Variants in COL9A3 observed in about 807,000 individuals in gnomAD.
COL9A3 encodes collagen alpha-3(IX) chain.
In COL9A3, 82 loss-of-function variants were observed where a neutral mutation model predicts 110.2. The ratio of observed to expected loss-of-function variants is 0.74; its 90% CI spans 0.62 to 0.89. COL9A3 has a LOEUF of 0.89. COL9A3 is among the 40% of genes least tolerant of loss of function. COL9A3 has a pLI of 0.00. For synonymous variants in COL9A3, 494 were observed against 403.8 expected (o/e 1.22, Z -2.68); for missense variants, 1,066 against 981.3 (o/e 1.09, Z -1.15).
At position 62,830,589 on chromosome 20, in the gene COL9A3, G is replaced by C; in HGVS notation, c.1287+1G>C. ...CCTCCGAGGTGACGTGGGCGACCGG[G>C]TAAGTGGCCCTCTCAGCAGGAAGCT... On this transcript the variant is annotated splice_donor_variant, in intron 24 of 31. Coordinates refer to ENST00000649368, the MANE Select transcript of COL9A3 (RefSeq NM_001853.4). LOFTEE classifies it high-confidence loss of function. 1 of 1,589,200 alleles carries C rather than the reference G, an allele frequency of 6.3e-7. No individual in the cohort carries two copies. The highest frequency in any genetic ancestry group is 8.5e-7 in the Non-Finnish European group (1 of 1,171,004).
At chr20:62,817,425 G>T in intron 1 of COL9A3, 142 bp from the exon 2 acceptor site, 1 of 626,660 alleles carries the variant, frequency 1.6e-6, no homozygotes, top group Non-Finnish European at 2.7e-6. Context: ...GGGGGCGCCG[G>T]GCTCCGCCCG....
In COL9A3 at chr20:62,822,130, G is replaced by C; in HGVS notation, c.443G>C (p.Gly148Ala). ...CCCCAGGGACCTTCTGGACTCCCCGGCCTCCCTGGTCCCCCAGGACCTCCC... is the reference window on the plus strand; with the variant it reads ...CCCCAGGGACCTTCTGGACTCCCCGCCCTCCCTGGTCCCCCAGGACCTCCC... Reference protein sequence around the residue: ...RGPPGPSGLPGLPGPPGPPGP... With the variant: ...RGPPGPSGLPALPGPPGPPGP... Residue 148 changes from glycine to alanine, a missense_variant, in exon 9 of 32, where the codon GGC (glycine) becomes GCC (alanine). Physicochemically the swap from Gly to Ala is moderately conservative, Grantham distance 60. Transcript: ENST00000649368. 1 of 1,587,766 alleles carries C rather than the reference G, an allele frequency of 6.3e-7. No individual in the cohort carries two copies. Among genetic ancestry groups the C allele is most frequent in the African/African-American group, 1.3e-5 (1 of 74,594 alleles).
chr20:62,824,221 G>A (rs1228907640), intron 10 of COL9A3, among the ~76,000 whole-genome samples: 3 of 136,770 alleles, frequency 2.2e-5, no homozygotes, highest in Non-Finnish European at 4.8e-5. Context: ...CGTCACCCAC[G>A]TGGAGTGGCC....
At chr20:62,817,479 C>A in intron 1 of COL9A3, 88 bp from the exon 2 acceptor site, 1 of 1,004,500 alleles carries the variant, frequency 1.0e-6, no homozygotes, top group South Asian at 1.4e-5. Flanking sequence ...GTCGCAGGCC[C>A]CGGAGCCGCT....
intron 1 of COL9A3, 96 bp from the exon 2 acceptor site, chr20:62,817,471 C>T (rs545424793): frequency 3.4e-6 from 3 of 885,388 alleles, no homozygotes; most frequent in Admixed American, 4.7e-5. Context: ...CGGCGGTCGT[C>T]GCAGGCCCCG....
At position 62,827,253 on chromosome 20, in the gene COL9A3, G is replaced by A. The variant is rs561230573; in HGVS notation, c.805G>A (p.Glu269Lys). 1.2e-5 allele frequency: 19 copies of A among 1,613,270 alleles called. No individual in the cohort carries two copies. Among genetic ancestry groups the A allele is most frequent in the South Asian group, 7.7e-5 (7 of 91,082 alleles). ...TCATCCTTTCCAGGGTGACCGAGGCGAGAGGGGCCCAGAAGGGTTCCGCGG... is the reference window on the plus strand; with the variant it reads ...TCATCCTTTCCAGGGTGACCGAGGCAAGAGGGGCCCAGAAGGGTTCCGCGG... ...GAPGKAGDRGERGPEGFRGPK... is the reference protein window; with the variant it reads ...GAPGKAGDRGKRGPEGFRGPK... Residue 269 changes from glutamate to lysine, a missense_variant, in exon 16 of 32, where the codon GAG becomes AAG. By Grantham distance (56) the Glu-to-Lys change is moderately conservative (BLOSUM62 1). Coordinates refer to ENST00000649368, the MANE Select transcript of COL9A3 (RefSeq NM_001853.4).
At chr20:62,819,419 TC>T in intron 4 of COL9A3, 126 bp downstream of exon 4, 2 of 917,708 alleles carry the variant, frequency 2.2e-6, no homozygotes, top group Non-Finnish European at 3.5e-6. Context: ...GAGAGAAGTC[TC>T]CAGAAGTCCC....
intron 4 of COL9A3, 41 bp downstream of exon 4, chr20:62,819,334 CT>C (rs1991044441): frequency 6.4e-7 from 1 of 1,572,014 alleles, no homozygotes; most frequent in Admixed American, 1.8e-5. Context: ...CCACTCCCCG[CT>C]CCGGGTCCCT....
rs757363127 is a variant in COL9A3 at position 62,835,934 on chromosome 20, TG to T, written c.1384del (p.Val462SerfsTer71). 2 of 1,614,188 alleles carry T rather than the reference TG, an allele frequency of 1.2e-6. No individual in the cohort carries two copies. Among genetic ancestry groups the T allele is most frequent in the Admixed American group, 3.3e-5 (2 of 60,030 alleles). ...GDKGELGPSGLVGPKGESGSR... is the reference protein window; with the variant it reads ...GDKGELGPSGXVGPKGESGSR... Reference sequence around the variant, plus strand: ...TTCTCTTCACAGGGTCCCAGCGGCCTGGTCGGACCCAAAGGAGAGGTGAGTG... The same window carrying T: ...TTCTCTTCACAGGGTCCCAGCGGCCTGTCGGACCCAAAGGAGAGGTGAGTG... On this transcript the variant is annotated frameshift_variant, in exon 27 of 32. Transcript: ENST00000649368. LOFTEE classifies it high-confidence loss of function.
intron 24 of COL9A3, among the ~76,000 whole-genome samples, chr20:62,830,915 C>A (rs549114961): frequency 6.6e-6 from 1 of 150,916 alleles, no homozygotes; most frequent in East Asian, 2.0e-4. Context: ...CCGACTGTGG[C>A]GCCTTTGGCC....
intron 14 of COL9A3, 92 bp downstream of exon 14, chr20:62,826,349 ACT>A (rs2063552291): frequency 1.6e-6 from 2 of 1,214,808 alleles, no homozygotes; most frequent in Admixed American, 4.1e-5. Flanking sequence ...CGTGAGTGAC[ACT>A]CTGAAGCAGC....
intron 14 of COL9A3, 58 bp from the exon 15 acceptor site, chr20:62,826,709 G>A (rs956326163): frequency 2.5e-6 from 4 of 1,595,620 alleles, no homozygotes; most frequent in Non-Finnish European, 3.4e-6. Flanking sequence ...GGGAGCACTG[G>A]GGGGATGCCA....
intron 29 of COL9A3, 151 bp from the exon 30 acceptor site, chr20:62,836,932 C>T (rs1416383089): frequency 3.8e-6 from 4 of 1,042,122 alleles, no homozygotes; most frequent in Non-Finnish European, 5.9e-6. Context: ...CTCCAGCATT[C>T]ATCACCCCAA....
intron 22 of COL9A3, 63 bp from the exon 23 acceptor site, chr20:62,830,297 G>A (rs867391238): frequency 1.3e-6 from 2 of 1,530,644 alleles, no homozygotes; most frequent in African/African-American, 2.8e-5. Context: ...CAGGCTCCCT[G>A]GGGCCTCTTG....
chr20:62,837,609 C>T (rs2063647147), intron 30 of COL9A3, among the ~76,000 whole-genome samples: 1 of 150,118 alleles, frequency 6.7e-6, no homozygotes, highest in South Asian at 2.1e-4. Flanking sequence ...GAGTTCAAGA[C>T]CAGCCTGACC....
At chr20:62,825,962 T>C (rs1000502523) in intron 13 of COL9A3, 92 bp downstream of exon 13, 4 of 1,399,896 alleles carry the variant, frequency 2.9e-6, no homozygotes, top group Non-Finnish European at 3.9e-6. Flanking sequence ...GGGGGCCAGC[T>C]CCGGCTGGGG....
At chr20:62,832,037 C>T (rs1600805381) in intron 24 of COL9A3, 117 bp from the exon 25 acceptor site, 1 of 1,055,814 alleles carries the variant, frequency 9.5e-7, no homozygotes, top group Admixed American at 1.7e-5. Context: ...TCACAGAAGC[C>T]CTTTGTGCAG....
chr20:62,824,438 C>T lies in COL9A3; in HGVS notation c.520-7C>T. On this transcript the variant is annotated splice_region_variant and splice_polypyrimidine_tract_variant and intron_variant, in intron 10 of 31. Coordinates refer to ENST00000649368, the MANE Select transcript of COL9A3 (RefSeq NM_001853.4). ...GGGAGGGGTCTGACTGCTCTGTTTT[C>T]CGACAGTGCCCAAGTATCTGCCCGC... is the stretch of plus-strand genomic sequence containing the variant. 1 of 1,599,524 alleles carries T rather than the reference C, an allele frequency of 6.3e-7. No individual in the cohort carries two copies. Among genetic ancestry groups the T allele is most frequent in the Non-Finnish European group, 8.5e-7 (1 of 1,173,596 alleles).
chr20:62,819,078 C>A, intron 3 of COL9A3, 144 bp from the exon 4 acceptor site: 1 of 858,806 alleles, frequency 1.2e-6, no homozygotes, highest in Non-Finnish European at 1.9e-6. Flanking sequence ...GCCGGGTCTG[C>A]CAGACAGTAG....
Sources: allele counts gnomAD v4.1 joint callset (sites outside exome capture counted in the v4.1 genomes callset), GRCh38; gene constraint gnomAD v4.1.1; transcripts MANE v1.5; gene names NCBI Gene and HGNC (gene_info 2026-07-23, HGNC 2026-07-21).